SOD2: variants seen among roughly 807,000 people sequenced by gnomAD.
The protein encoded by SOD2 is superoxide dismutase [Mn], mitochondrial.
Under a neutral mutation model 27.0 loss-of-function variants are expected in SOD2, and 11 were observed. The ratio of observed to expected loss-of-function variants is 0.41; its 90% CI spans 0.26 to 0.67. The LOEUF is 0.67. Ranked by LOEUF, SOD2 falls within the 30% of genes least tolerant of loss-of-function variation. SOD2 has a pLI of 0.34. For synonymous variants in SOD2, 105 were observed against 103.0 expected, an observed-to-expected ratio of 1.02 and a Z score of -0.12; for missense variants, 250 against 274.5, an observed-to-expected ratio of 0.91 and a Z score of 0.63.
rs945107408 is a variant in SOD2 at position 159,676,162 on chromosome 6, G to A, written c.*6331C>T. 1.3e-5 allele frequency: 2 copies of A among 152,202 alleles called. No homozygotes were observed. Among genetic ancestry groups the A allele is most frequent in the African/African-American group, 2.4e-5 (1 of 41,456 alleles). 9.4% of individuals were successfully genotyped at this position (152,202 alleles called of 1,614,324 possible). A position where few individuals can be genotyped will look rare whatever the true frequency, so the allele number is the denominator to read the frequency against. On this transcript the variant is annotated 3_prime_UTR_variant, in exon 5 of 5. Transcript: ENST00000538183. ...ACACTGGTGGTGGGACTGTAAACTA[G>A]TTCAACCATTGTGGAAGACAGTGTG...
chr6:159,721,282 TG>T (rs1778035377), intron 1 of SOD2, among the ~76,000 whole-genome samples: 1 of 152,046 alleles, frequency 6.6e-6, no homozygotes, highest in Admixed American at 6.6e-5. Flanking sequence ...TTAGCCAGGA[TG>T]GTCTCAATCT....
At chr6:159,684,153 C>T (rs1226458182) in intron 4 of SOD2, among the ~76,000 whole-genome samples, 2 of 152,160 alleles carry the variant, frequency 1.3e-5, no homozygotes, top group Admixed American at 6.6e-5. Flanking sequence ...GATCTAGTCC[C>T]AGTTTAACCT....
At chr6:159,750,230 G>A (rs978020280) in intron 1 of SOD2, among the ~76,000 whole-genome samples, 3 of 152,150 alleles carry the variant, frequency 2.0e-5, no homozygotes, top group African/African-American at 7.2e-5. Context: ...AGTAGAAATG[G>A]CCTAAGTATC....
chr6:159,729,550 C>T (rs1054810430), upstream of SOD2, among the ~76,000 whole-genome samples: 1 of 150,042 alleles, frequency 6.7e-6, no homozygotes, highest in African/African-American at 2.5e-5. Flanking sequence ...CTTTTATGTT[C>T]ATATTATGTT....
Position 159,671,179 on chromosome 6 carries a change from C to A in SOD2, c.*11314G>T, listed in dbSNP as rs565409699. ...TCCACCTCTGGGGGCATGGCATAGC[C>A]GAACAAAAGGCAGCAGAAATCTCTG... On this transcript the variant is annotated 3_prime_UTR_variant, in exon 5 of 5. Coordinates refer to ENST00000538183, the MANE Select transcript of SOD2 (RefSeq NM_000636.4). 1 of 152,338 alleles carries A rather than the reference C, an allele frequency of 6.6e-6. No individual in the cohort carries two copies. Among genetic ancestry groups the A allele is most frequent in the Admixed American group, 6.5e-5 (1 of 15,276 alleles). The allele number at this position is 152,338 out of a possible 1,614,324, so 9.4% of individuals were successfully genotyped here.
chr6:159,717,609 TG>T (rs1777943858), intron 1 of SOD2, among the ~76,000 whole-genome samples: 1 of 152,130 alleles, frequency 6.6e-6, no homozygotes, highest in Non-Finnish European at 1.5e-5. Flanking sequence ...TACAATAAAT[TG>T]TTTGTTATTA....
chr6:159,727,506 C>T (rs912191726), upstream of SOD2: 17 of 993,160 alleles, frequency 1.7e-5, no homozygotes, highest in Non-Finnish European at 2.0e-5. Flanking sequence ...GCCTGGTTTC[C>T]TCCCTCAGCG....
chr6:159,734,752 A>G (rs1778801208), intron 1 of SOD2, among the ~76,000 whole-genome samples: 1 of 152,262 alleles, frequency 6.6e-6, no homozygotes, highest in African/African-American at 2.4e-5. Context: ...TCAAAAGAGC[A>G]CTGGTACTCA....
rs573871108 is a variant in SOD2, at chr6:159,704,199, C to T, written c.-115-11336G>A. ...TCCAGTCTACGGCTCCCAGCATTAG[C>T]GATGCAGAAGACGGGTGATTTCTGC... On this transcript the variant is annotated intron_variant, in intron 1 of 2. Transcript: ENST00000401980. Among the ~76,000 whole-genome samples the T allele has an allele frequency of 1.2e-4, 18 of 152,248 alleles. No individual in the cohort carries two copies. In the East Asian group the frequency reaches 1.5e-3, roughly 13 times the overall value.
chr6:159,720,263 C>G (rs1405020949), intron 1 of SOD2, among the ~76,000 whole-genome samples: 1 of 152,126 alleles, frequency 6.6e-6, no homozygotes, highest in Non-Finnish European at 1.5e-5. Flanking sequence ...GTTGGCCAGG[C>G]TGGTCACGAA....
intron 1 of SOD2, among the ~76,000 whole-genome samples, chr6:159,736,898 A>G (rs1419071345): frequency 1.3e-5 from 2 of 152,220 alleles, no homozygotes; most frequent in Non-Finnish European, 2.9e-5. Context: ...TTGTGATTCA[A>G]TTGGGAAAGC....
upstream of SOD2, among the ~76,000 whole-genome samples, chr6:159,728,075 C>T (rs1181924884): frequency 1.3e-5 from 2 of 152,256 alleles, no homozygotes; most frequent in African/African-American, 4.8e-5. Context: ...GACCTGGCGG[C>T]ACTAACGAGT....
chr6:159,698,298 A>C (rs13219450), intron 1 of SOD2, among the ~76,000 whole-genome samples: 6 of 86,368 alleles, frequency 6.9e-5, no homozygotes, highest in Admixed American at 5.4e-4. Context: ...AACAAACAAA[A>C]AACAAAACAA....
chr6:159,732,816 C>T (rs952755148), intron 1 of SOD2, among the ~76,000 whole-genome samples: 2 of 151,574 alleles, frequency 1.3e-5, no homozygotes, highest in African/African-American at 2.4e-5. Flanking sequence ...AGAGACCGGG[C>T]GCAGGGGGAG....
upstream of SOD2, among the ~76,000 whole-genome samples, chr6:159,745,619 A>G (rs1391309773): frequency 6.6e-6 from 1 of 152,156 alleles, no homozygotes; most frequent in Non-Finnish European, 1.5e-5. Flanking sequence ...GTGAAAAAAG[A>G]TGAGGTCAGC....
chr6:159,704,934 A>G (rs181193551), intron 1 of SOD2, among the ~76,000 whole-genome samples: 62 of 152,332 alleles, frequency 4.1e-4, no homozygotes, highest in Non-Finnish European at 6.9e-4. Context: ...AAACCTCCAG[A>G]GGAACGATCA....
chr6:159,699,593 A>G (rs1183928174), intron 1 of SOD2, among the ~76,000 whole-genome samples: 3 of 152,070 alleles, frequency 2.0e-5, no homozygotes, highest in African/African-American at 7.2e-5. Flanking sequence ...ACTGCATTCT[A>G]TGTAAGGGTG....
intron 1 of SOD2, chr6:159,741,447 G>A (rs1779249896): frequency 6.6e-6 from 1 of 152,042 alleles, no homozygotes; most frequent in South Asian, 2.1e-4. Flanking sequence ...TACATAATGA[G>A]GCACATTTCT....
At chr6:159,755,780 T>TTTTTTTTTTTTTTTTTTTTTTTTTTTTG in intron 1 of SOD2, 1 of 1,050,258 alleles carries the variant, frequency 9.5e-7, no homozygotes, top group Non-Finnish European at 1.2e-6. Flanking sequence ...TTTTTTTTTT[T>TTTTTTTTTTTTTTTTTTTTTTTTTTTTG]TTTTTTTTTT....
Sources: allele counts gnomAD v4.1 joint callset (sites outside exome capture counted in the v4.1 genomes callset), GRCh38; gene constraint gnomAD v4.1.1; transcripts MANE v1.5; gene names NCBI Gene and HGNC (gene_info 2026-07-23, HGNC 2026-07-21).